Variants in PAPLN observed in about 807,000 individuals in gnomAD.
PAPLN encodes papilin.
PAPLN carries 146 observed loss-of-function variants against 159.0 expected under a neutral mutation model. The observed-to-expected ratio is 0.92, with a 90% CI of 0.80 to 1.05. The LOEUF (loss-of-function observed/expected upper bound fraction) is 1.05, where lower values mean the gene tolerates loss of function less well. PAPLN is among the 50% of genes least tolerant of loss of function. PAPLN has a pLI of 0.00. For synonymous variants in PAPLN, 734 were observed against 702.9 expected (o/e 1.04, Z -0.70); for missense variants, 1,720 against 1,743.9 (o/e 0.99, Z 0.24).
chr14:73,253,055 C>A, intron 11 of PAPLN: 1 of 1,233,896 alleles, frequency 8.1e-7, no homozygotes, highest in Non-Finnish European at 1.1e-6. Flanking sequence ...AGGTCCCTGT[C>A]TGTCTGAGCC....
chr14:73,272,096 T>C (rs1887787428), intron 26 of PAPLN: 1 of 157,656 alleles, frequency 6.3e-6, no homozygotes, highest in African/African-American at 2.4e-5. Context: ...AACTCAAAAT[T>C]TTACTTGGGG....
At chr14:73,239,070 A>T (rs1883261817) in intron 1 of PAPLN, among the ~76,000 whole-genome samples, 2 of 152,026 alleles carry the variant, frequency 1.3e-5, no homozygotes. Context: ...CACACTGCAC[A>T]TGCACTTTGC....
intron 21 of PAPLN, 73 bp downstream of exon 21, chr14:73,264,408 C>A: frequency 6.4e-7 from 1 of 1,564,452 alleles, no homozygotes; most frequent in East Asian, 2.3e-5. Flanking sequence ...GGGAGCCTGA[C>A]CGAGGGCTGC....
intron 5 of PAPLN, among the ~76,000 whole-genome samples, chr14:73,247,202 C>T (rs1884503135): frequency 1.3e-5 from 2 of 152,178 alleles, no homozygotes; most frequent in African/African-American, 2.4e-5. Context: ...CTTCATTTAT[C>T]AAGGATCTGG....
intron 18 of PAPLN, 105 bp downstream of exon 18, chr14:73,261,399 C>A: frequency 7.0e-7 from 1 of 1,433,268 alleles, no homozygotes; most frequent in Non-Finnish European, 9.3e-7. Flanking sequence ...CTCAGTTATT[C>A]ATTCATTCCT....
rs756083687 is a variant in PAPLN, at chr14:73,264,682, G to A, written c.3081G>A (p.Gly1027=). The change falls in exon 22 of 27, where the codon GGG becomes GGA. Residue 1027 remains glycine, a synonymous_variant. Coordinates refer to ENST00000644200, the MANE Select transcript of PAPLN (RefSeq NM_001365906.3). ...AQDFGQAGAA[G]PLGAIPSSHP... ...ACTTTGGCCAAGCGGGGGCTGCTGG[G>A]CCCCTGGGGGCCATCCCCTCTTCAC... 18 of 1,611,352 alleles carry A rather than the reference G, an allele frequency of 1.1e-5. No homozygotes were observed. The highest frequency in any genetic ancestry group is 2.2e-5 in the East Asian group (1 of 44,846).
rs1251420424 is a variant in PAPLN, at chr14:73,259,357, A to G, written c.1797A>G (p.Gln599=). The G allele has an allele frequency of 6.2e-7, 1 of 1,611,904 alleles. No homozygotes were observed. The highest frequency in any genetic ancestry group is 1.1e-5 in the South Asian group (1 of 90,662). Reference sequence around the variant, plus strand: ...AACGAGGTGACCCCAGGGGCGACCAAGGCACCCACCTGTCAGCCCTGGGCC... The same window carrying G: ...AACGAGGTGACCCCAGGGGCGACCAGGGCACCCACCTGTCAGCCCTGGGCC... ...RGERGDPRGD[Q]GTHLSALGPA... The change falls in exon 16 of 27, where the codon CAA becomes CAG. Residue 599 remains glutamine (Q), a synonymous_variant. Coordinates refer to ENST00000644200, the MANE Select transcript of PAPLN (RefSeq NM_001365906.3).
rs368809524 is a variant in PAPLN, at chr14:73,264,378, C to T, written c.2986+43C>T. ...ATCCACCAGTGCGTTCTCAGGGGCC[C>T]GAGTGGGAAGGCCAGGATGGGGAGC... On this transcript the variant is annotated intron_variant, in intron 21 of 26. Transcript: ENST00000644200. The T allele has an allele frequency of 1.0e-5, 16 of 1,589,400 alleles. No homozygotes were observed. The East Asian group carries it at 1.6e-4, about 16-fold the overall frequency.
intron 26 of PAPLN, among the ~76,000 whole-genome samples, chr14:73,270,179 A>ACCGT (rs1887586293): frequency 6.7e-6 from 1 of 150,320 alleles, no homozygotes; most frequent in East Asian, 2.1e-4. Context: ...CGCTCGGCCC[A>ACCGT]CCGTCTCGCT....
At chr14:73,252,217 A>T in intron 10 of PAPLN, 76 bp downstream of exon 10, 1 of 1,489,276 alleles carries the variant, frequency 6.7e-7, no homozygotes, top group Non-Finnish European at 9.0e-7. Context: ...GGCAAGTCAC[A>T]GCCCTCTCCT....
At chr14:73,242,547 G>C (rs532025728) in intron 2 of PAPLN, 2 of 152,216 alleles carry the variant, frequency 1.3e-5, no homozygotes, top group African/African-American at 4.8e-5. Context: ...GTGTGGGGGG[G>C]GCGGGTGCCA....
chr14:73,259,530 C>A lies in PAPLN; in HGVS notation c.1970C>A (p.Pro657His). The change falls in exon 16 of 27, where the codon CCC (proline) becomes CAC (histidine). Residue 657 changes from proline to histidine, a missense_variant. By Grantham distance (77) the Pro-to-His change is moderately conservative. Coordinates refer to ENST00000644200, the MANE Select transcript of PAPLN (RefSeq NM_001365906.3). ...GPQWQGCPGA[P>H]CQQSRYGCCP... ...CAGTGGCAAGGCTGCCCTGGGGCCC[C>A]CTGTCAGCAGAGCAGGTGGGTGCTG... 2 of 1,580,200 alleles carry A rather than the reference C, an allele frequency of 1.3e-6. No homozygotes were observed. Among genetic ancestry groups the A allele is most frequent in the East Asian group, 4.6e-5 (2 of 43,666 alleles).
Position 73,239,825 on chromosome 14 carries a change from G to C in PAPLN, c.47G>C (p.Gly16Ala). ...CCGCTGCTGCTGGCTCCAGCGCCCG[G>C]GTCCTCGGTGAGTGCGGTCCTGCCC... ...LVPLLLAPAP[G>A]SSAPKVRRQS... Residue 16 changes from glycine (G) to alanine (A), a missense_variant, in exon 2 of 27, where the codon GGG becomes GCG. Transcript: ENST00000644200. 6.3e-7 allele frequency: 1 copy of C among 1,590,318 alleles called. No individual in the cohort carries two copies.
At chr14:73,246,534 CTCTTTT>C (rs555478554) in intron 5 of PAPLN, among the ~76,000 whole-genome samples, 416 of 150,774 alleles carry the variant, frequency 2.8e-3, no homozygotes, top group Non-Finnish European at 4.5e-3. Context: ...CAAGAGGTCT[CTCTTTT>C]TCTTTATCTT....
rs764692549 is a variant in PAPLN at position 73,268,614 on chromosome 14, G to A, written c.3558G>A (p.Thr1186=). The change falls in exon 26 of 27, where the codon ACG becomes ACA. Residue 1186 remains threonine, a synonymous_variant. Transcript: ENST00000644200. ...GTGTCCACCAGTCCCCAGATGGCACGCTGCTCATTTACAACTTGCGGGCCA... is the reference window on the plus strand; with the variant it reads ...GTGTCCACCAGTCCCCAGATGGCACACTGCTCATTTACAACTTGCGGGCCA... ...GHRVHQSPDG[T]LLIYNLRARD... is the part of the protein sequence containing the mutation. 9.9e-6 allele frequency: 16 copies of A among 1,613,802 alleles called. No homozygotes were observed. The highest frequency in any genetic ancestry group is 5.5e-5 in the South Asian group (5 of 91,058).
chr14:73,244,660 G>A lies in PAPLN; in HGVS notation c.71G>A (p.Arg24Gln), dbSNP rs370975231. ...CTTCTGCAGGCTCCCAAGGTGAGGC[G>A]GCAGAGTGACACCTGGGGACCCTGG... ...APGSSAPKVR[R>Q]QSDTWGPWSQ... Residue 24 changes from arginine (R) to glutamine (Q), a missense_variant, in exon 3 of 27, where the codon CGG becomes CAG. By Grantham distance (43) the Arg-to-Gln change is conservative (BLOSUM62 1). Coordinates refer to ENST00000644200, the MANE Select transcript of PAPLN (RefSeq NM_001365906.3). The A allele has an allele frequency of 2.5e-5, 39 of 1,587,388 alleles. No homozygotes were observed. The highest frequency in any genetic ancestry group is 5.4e-5 in the African/African-American group (4 of 74,352).
chr14:73,264,782 G>C, intron 22 of PAPLN, 56 bp downstream of exon 22: 2 of 1,604,590 alleles, frequency 1.2e-6, no homozygotes, highest in Non-Finnish European at 1.7e-6. Flanking sequence ...AGGGCCGGGG[G>C]TCTCAGTGGA....
chr14:73,248,198 T>TGTG (rs1448876624), intron 5 of PAPLN, among the ~76,000 whole-genome samples: 1 of 133,206 alleles, frequency 7.5e-6, no homozygotes, highest in African/African-American at 3.0e-5. Flanking sequence ...TCTGTGTGTG[T>TGTG]TGTGGGGATT....
rs562890068 is a variant in PAPLN, at chr14:73,257,753, CTTTTTTTTTTTTTTT to C, written c.1628-1212_1628-1198del. Among the ~76,000 whole-genome samples the C allele has an allele frequency of 2.2e-5, 2 of 91,256 alleles. 1 individual carries two copies. The highest frequency in any genetic ancestry group is 7.7e-4 in the South Asian group (2 of 2,612). 59.9% of individuals were successfully genotyped at this position (91,256 alleles called of 152,430 possible). The stretch of plus-strand genomic sequence containing the variant: ...GTTTTCATTATCTAGTCTCTTTCTT[CTTTTTTTTTTTTTTT>C]TTTTTTTTTTTTTGAGACCTAGTCT... On this transcript the variant is annotated intron_variant, in intron 14 of 26. Coordinates refer to ENST00000644200, the MANE Select transcript of PAPLN (RefSeq NM_001365906.3).
Sources: allele counts gnomAD v4.1 joint callset (sites outside exome capture counted in the v4.1 genomes callset), GRCh38; gene constraint gnomAD v4.1.1; transcripts MANE v1.5; gene names NCBI Gene and HGNC (gene_info 2026-07-23, HGNC 2026-07-21).